The following CADM2 variants were observed in gnomAD, a reference collection of about 807,000 sequenced individuals.
CADM2 encodes the protein cell adhesion molecule 2, also known as immunoglobulin superfamily member 4D.
In CADM2, 12 loss-of-function variants were observed where a neutral mutation model predicts 49.8. That is an observed-to-expected ratio of 0.24 (90% confidence interval 0.15 to 0.39). The LOEUF (loss-of-function observed/expected upper bound fraction) is 0.39, where lower values mean the gene tolerates loss of function less well. Among genes scored for constraint, CADM2 ranks in the 10% least tolerant of loss-of-function variants. The pLI is 1.00. For synonymous variants in CADM2, 214 were observed against 175.4 expected (o/e 1.22, Z -1.74); for missense variants, 378 against 492.3 (o/e 0.77, Z 2.20).
chr3:85,233,244 G>C (rs1559734697), intron 1 of CADM2, among the ~76,000 whole-genome samples: 1 of 152,138 alleles, frequency 6.6e-6, no homozygotes, highest in Non-Finnish European at 1.5e-5. Flanking sequence ...GGGAAGGAGG[G>C]AGGGATAAAT....
intron 1 of CADM2, among the ~76,000 whole-genome samples, chr3:85,698,588 G>A (rs938554097): frequency 3.3e-5 from 5 of 152,108 alleles, no homozygotes; most frequent in African/African-American, 1.2e-4. Flanking sequence ...GCAGGAGAAG[G>A]AGAGGTGGGG....
At chr3:85,445,313 A>G (rs2037394761) in intron 1 of CADM2, among the ~76,000 whole-genome samples, 1 of 152,158 alleles carries the variant, frequency 6.6e-6, no homozygotes, top group Admixed American at 6.5e-5. Context: ...AAAATACTAT[A>G]TGCAGTACAT....
intron 2 of CADM2, among the ~76,000 whole-genome samples, chr3:85,727,224 AT>A (rs1232248966): frequency 6.6e-6 from 1 of 152,066 alleles, no homozygotes; most frequent in Non-Finnish European, 1.5e-5. Flanking sequence ...CAGTCTACAT[AT>A]TTAAAAATCT....
chr3:85,506,863 A>G (rs1303754856), intron 1 of CADM2, among the ~76,000 whole-genome samples: 2 of 152,230 alleles, frequency 1.3e-5, no homozygotes, highest in African/African-American at 4.8e-5. Context: ...TTATCATTAT[A>G]GAATTAACTA....
intron 1 of CADM2, among the ~76,000 whole-genome samples, chr3:85,100,442 A>G (rs1381667882): frequency 6.6e-6 from 1 of 152,174 alleles, no homozygotes; most frequent in Non-Finnish European, 1.5e-5. Context: ...TGCCTTATCT[A>G]TCCTAATGCA....
At chr3:85,577,752 A>G (rs1415982841) in intron 1 of CADM2, among the ~76,000 whole-genome samples, 1 of 152,032 alleles carries the variant, frequency 6.6e-6, no homozygotes, top group Non-Finnish European at 1.5e-5. Context: ...TGTGAACTCT[A>G]TTTTTATTGT....
intron 1 of CADM2, among the ~76,000 whole-genome samples, chr3:85,317,911 T>C (rs1054942915): frequency 6.6e-6 from 1 of 152,160 alleles, no homozygotes; most frequent in Admixed American, 6.5e-5. Context: ...GACATTAAAA[T>C]GGATAAAAGA....
intron 3 of CADM2, among the ~76,000 whole-genome samples, chr3:85,834,338 G>A (rs776400274): frequency 9.9e-5 from 15 of 151,548 alleles, no homozygotes; most frequent in Non-Finnish European, 2.2e-4. Context: ...ATCAAAGACT[G>A]TCATGAAGCT....
chr3:85,802,674 T>G (rs965784548), intron 3 of CADM2, among the ~76,000 whole-genome samples: 13 of 152,156 alleles, frequency 8.5e-5, no homozygotes, highest in Non-Finnish European at 1.8e-4. Context: ...GTATTTCATG[T>G]TTCCAAAATA....
chr3:85,551,204 G>T (rs1453604106), intron 1 of CADM2, among the ~76,000 whole-genome samples: 1 of 152,084 alleles, frequency 6.6e-6, no homozygotes, highest in African/African-American at 2.4e-5. Context: ...CTGGTCTCCA[G>T]CACTTGGGCT....
chr3:86,029,749 G>C (rs1276897727), intron 8 of CADM2, among the ~76,000 whole-genome samples: 1 of 151,964 alleles, frequency 6.6e-6, no homozygotes, highest in African/African-American at 2.4e-5. Flanking sequence ...ACAGGACAGG[G>C]AACACCTCAG....
chr3:85,047,655 A>C (rs1270616333), intron 1 of CADM2, among the ~76,000 whole-genome samples: 2 of 152,144 alleles, frequency 1.3e-5, no homozygotes, highest in Admixed American at 1.3e-4. Flanking sequence ...CATTTATTTT[A>C]TGCATAAGAA....
intron 1 of CADM2, among the ~76,000 whole-genome samples, chr3:85,194,806 CATA>C (rs1285908884): frequency 6.6e-6 from 1 of 151,904 alleles, no homozygotes; most frequent in African/African-American, 2.4e-5. Flanking sequence ...TTCCAGGATG[CATA>C]ATATTACAGT....
chr3:85,774,785 G>A (rs2107967690), intron 2 of CADM2, among the ~76,000 whole-genome samples: 1 of 151,692 alleles, frequency 6.6e-6, no homozygotes, highest in South Asian at 2.1e-4. Context: ...AATAATTTTG[G>A]TAGTTATTGT....
chr3:84,990,527 T>G (rs1170231746), intron 1 of CADM2, among the ~76,000 whole-genome samples: 1 of 152,006 alleles, frequency 6.6e-6, no homozygotes, highest in East Asian at 1.9e-4. Context: ...TAGTATTATC[T>G]GAAAATTATG....
intron 3 of CADM2, among the ~76,000 whole-genome samples, chr3:85,853,526 G>A (rs2075186054): frequency 6.6e-6 from 1 of 151,936 alleles, no homozygotes; most frequent in Non-Finnish European, 1.5e-5. Flanking sequence ...TTGCTAGAAT[G>A]TCATAATTAA....
At chr3:85,476,568 T>C (rs1290936526) in intron 1 of CADM2, among the ~76,000 whole-genome samples, 2 of 147,416 alleles carry the variant, frequency 1.4e-5, no homozygotes, top group African/African-American at 5.0e-5. Flanking sequence ...GCACATTACC[T>C]ATTGCAGTCC....
At chr3:85,659,270 A>G (rs2065321953) in intron 1 of CADM2, among the ~76,000 whole-genome samples, 1 of 151,824 alleles carries the variant, frequency 6.6e-6, no homozygotes, top group South Asian at 2.1e-4. Context: ...GCTTACCAGA[A>G]CATGTCTACT....
chr3:85,983,032 C>G (rs1205176310), intron 8 of CADM2, among the ~76,000 whole-genome samples: 1 of 151,714 alleles, frequency 6.6e-6, no homozygotes, highest in Non-Finnish European at 1.5e-5. Context: ...AAATAAATCA[C>G]TGTTAATATC....
Sources: allele counts gnomAD v4.1 joint callset (sites outside exome capture counted in the v4.1 genomes callset), GRCh38; gene constraint gnomAD v4.1.1; transcripts MANE v1.5; gene names NCBI Gene and HGNC (gene_info 2026-07-23, HGNC 2026-07-21).